TAF12: variants seen among roughly 807,000 people sequenced by gnomAD.
TAF12 encodes the protein TATA-box binding protein associated factor 12.
TAF12 carries 3 observed loss-of-function variants against 20.8 expected under a neutral mutation model. That is an observed-to-expected ratio of 0.14 (90% CI 0.07 to 0.37). The LOEUF is 0.37. Ranked by LOEUF, TAF12 falls within the 10% of genes least tolerant of loss-of-function variation. The probability of loss-of-function intolerance (pLI) is 1.00; values close to 1 mark genes in which losing one functional copy is unlikely to be tolerated. For missense variants in TAF12, 131 were observed against 197.9 expected, an observed-to-expected ratio of 0.66 and a Z score of 2.03; for synonymous variants, 69 against 70.2, an observed-to-expected ratio of 0.98 and a Z score of 0.09.
At chr1:28,632,864 T>A (rs961850773) in intron 1 of TAF12, among the ~76,000 whole-genome samples, 11 of 152,092 alleles carry the variant, frequency 7.2e-5, no homozygotes, top group Non-Finnish European at 1.3e-4. Flanking sequence ...ATATAAATTT[T>A]AAAAAATATG....
At chr1:28,622,267 C>T in intron 1 of TAF12, 102 bp from the exon 2 acceptor site, 1 of 1,212,310 alleles carries the variant, frequency 8.2e-7, no homozygotes, top group Non-Finnish European at 1.0e-6. Flanking sequence ...CAACTGTAAT[C>T]CCAGCACTTT....
intron 1 of TAF12, among the ~76,000 whole-genome samples, chr1:28,639,066 C>T (rs1276714110): frequency 2.0e-5 from 3 of 151,850 alleles, no homozygotes; most frequent in Non-Finnish European, 4.4e-5. Flanking sequence ...TGAGCCACCA[C>T]GCCCGGCTGG....
intron 1 of TAF12, chr1:28,648,160 A>G (rs1668247342): frequency 2.0e-6 from 2 of 985,290 alleles, no homozygotes; most frequent in Non-Finnish European, 2.4e-6. Context: ...CACATTTTCA[A>G]TTTGGATAGG....
intron 1 of TAF12, among the ~76,000 whole-genome samples, chr1:28,625,848 ATT>A (rs548832720): frequency 6.9e-6 from 1 of 145,788 alleles, no homozygotes; most frequent in African/African-American, 2.5e-5. Context: ...GCCCCAGCTA[ATT>A]TTTTTTTTTG....
At chr1:28,645,916 C>T (rs1211024294), upstream of TAF12, among the ~76,000 whole-genome samples, 3 of 151,006 alleles carry the variant, frequency 2.0e-5, no homozygotes, top group Admixed American at 6.6e-5. Context: ...TGAAGCGAGC[C>T]GAGATCGTGC....
In TAF12 at chr1:28,648,203, A is replaced by G. The variant is rs1570353197; in HGVS notation, c.-85+2T>C. On this transcript the variant is annotated splice_donor_variant, in intron 1 of 5. Coordinates refer to the TAF12 transcript ENST00000685312. LOFTEE classifies it low-confidence loss of function (5UTR_SPLICE). ...TCTTGTCTTCCCCAGTCAGATACCT[A>G]CAGCCGCTGAGAGCCGGTATTCCAA... The G allele has an allele frequency of 1.7e-5, 17 of 985,344 alleles. No individual in the cohort carries two copies. Among genetic ancestry groups the G allele is most frequent in the Non-Finnish European group, 2.0e-5 (17 of 829,938 alleles). 61.0% of individuals were successfully genotyped at this position (985,344 alleles called of 1,614,324 possible).
chr1:28,640,657 G>C (rs1570344458), intron 1 of TAF12, among the ~76,000 whole-genome samples: 1 of 152,154 alleles, frequency 6.6e-6, no homozygotes, highest in Non-Finnish European at 1.5e-5. Context: ...AGTGACTGGT[G>C]CAAGTCTCCC....
At chr1:28,622,449 T>A (rs1235488829) in intron 1 of TAF12, among the ~76,000 whole-genome samples, 1 of 151,780 alleles carries the variant, frequency 6.6e-6, no homozygotes, top group Non-Finnish European at 1.5e-5. Context: ...CCATTTAATA[T>A]CCACAGGTTA....
intron 4 of TAF12, among the ~76,000 whole-genome samples, chr1:28,612,127 C>T (rs183085598): frequency 9.2e-5 from 14 of 152,108 alleles, no homozygotes; most frequent in African/African-American, 2.4e-5. Context: ...TGATCTGCAC[C>T]GAATCTCATT....
upstream of TAF12, among the ~76,000 whole-genome samples, chr1:28,643,899 A>T (rs1489510447): frequency 6.6e-6 from 1 of 151,978 alleles, no homozygotes; most frequent in Non-Finnish European, 1.5e-5. Context: ...AAAATACAAA[A>T]AATTAGCCGG....
intron 1 of TAF12, 37 bp from the exon 2 acceptor site, chr1:28,622,202 A>G (rs940994113): frequency 1.4e-6 from 2 of 1,450,110 alleles, no homozygotes; most frequent in African/African-American, 1.4e-5. Context: ...CTCTAGAAGA[A>G]CCTGTAATAA....
chr1:28,614,891 GC>G (rs1666979117), intron 3 of TAF12, among the ~76,000 whole-genome samples: 1 of 152,082 alleles, frequency 6.6e-6, no homozygotes, highest in South Asian at 2.1e-4. Flanking sequence ...GTTTGATTGA[GC>G]TCTGGAGTTC....
At chr1:28,612,436 A>T (rs1296518303) in intron 4 of TAF12, among the ~76,000 whole-genome samples, 1 of 147,922 alleles carries the variant, frequency 6.8e-6, no homozygotes, top group Non-Finnish European at 1.5e-5. Flanking sequence ...GTGAGACTCG[A>T]TCAAAAAAAT....
At position 28,614,248 on chromosome 1, in the gene TAF12, C is replaced by A. The variant is rs556686622; in HGVS notation, c.247-887G>T. Among the ~76,000 whole-genome samples the A allele has an allele frequency of 9.3e-5, 14 of 151,156 alleles. No individual in the cohort carries two copies. The South Asian group carries it at 2.9e-3, about 32-fold the overall frequency. ...CGAGACTCTGTCTCAAAACAAAAAA[C>A]CAATAATTAAAAAAATAATAACAAA... On this transcript the variant is annotated intron_variant, in intron 3 of 5. Coordinates refer to ENST00000373824, the MANE Select transcript of TAF12 (RefSeq NM_005644.4).
chr1:28,608,175 C>CCAA (rs1666730384), intron 4 of TAF12, among the ~76,000 whole-genome samples: 1 of 63,740 alleles, frequency 1.6e-5, no homozygotes, highest in South Asian at 5.8e-4. Flanking sequence ...ACTAAAAATA[C>CCAA]AAAAAAAAAA....
chr1:28,610,957 CAAAAAAAAAAA>C lies in TAF12; in HGVS notation c.361+2279_361+2289del, dbSNP rs1170666206. Among the ~76,000 whole-genome samples the C allele has an allele frequency of 2.2e-4, 6 of 26,796 alleles. No homozygotes were observed. In the East Asian group the frequency reaches 4.7e-3, roughly 21 times the overall value. The allele number at this position is 26,796 out of a possible 152,430, so 17.6% of individuals were successfully genotyped here. A position where few individuals can be genotyped will look rare whatever the true frequency, so the allele number is the denominator to read the frequency against. On this transcript the variant is annotated intron_variant, in intron 4 of 5. Coordinates refer to ENST00000373824, the MANE Select transcript of TAF12 (RefSeq NM_005644.4). Reference sequence around the variant, plus strand: ...CCTGGGCAACAGAGTGAGACTGTCTCAAAAAAAAAAAAAAAAAAAAAAAAAACACAGGTGGA... The same window carrying C: ...CCTGGGCAACAGAGTGAGACTGTCTCAAAAAAAAAAAAAAACACAGGTGGA...
intron 3 of TAF12, among the ~76,000 whole-genome samples, chr1:28,614,330 G>A (rs1353954560): frequency 6.6e-6 from 1 of 152,094 alleles, no homozygotes; most frequent in African/African-American, 2.4e-5. Flanking sequence ...TTGGGAGGCT[G>A]AGGTGGGCAG....
chr1:28,647,498 T>C (rs1570352387), upstream of TAF12, among the ~76,000 whole-genome samples: 1 of 152,068 alleles, frequency 6.6e-6, no homozygotes, highest in African/African-American at 2.4e-5. Context: ...ATGTTGCCCA[T>C]TGTGGTCTCA....
chr1:28,627,620 G>C (rs1028427900), intron 1 of TAF12, among the ~76,000 whole-genome samples: 1 of 139,860 alleles, frequency 7.2e-6, no homozygotes, highest in African/African-American at 2.7e-5. Context: ...GTGAACCCAG[G>C]AGGCGGAGCT....
Sources: gnomAD v4.1 joint callset for allele counts (sites outside exome capture counted in the v4.1 genomes callset) on GRCh38, gnomAD v4.1.1 for gene constraint, MANE v1.5 for transcripts, NCBI Gene and HGNC (gene_info 2026-07-23, HGNC 2026-07-21) for gene names.